Variants in NRG1 observed in about 807,000 individuals in gnomAD.
NRG1 encodes the protein neuregulin 1.
In NRG1, 18 loss-of-function variants were observed where a neutral mutation model predicts 63.8. The ratio of observed to expected loss-of-function variants is 0.28; its 90% CI spans 0.19 to 0.42. The LOEUF is 0.42. Ranked by LOEUF, NRG1 falls within the 10% of genes least tolerant of loss-of-function variation. The pLI is 1.00. For synonymous variants in NRG1, 302 were observed against 301.3 expected (o/e 1.00, Z -0.02); for missense variants, 762 against 814.7 (o/e 0.94, Z 0.79).
intron 1 of NRG1, among the ~76,000 whole-genome samples, chr8:31,922,903 A>T (rs7824316): frequency 6.6e-6 from 1 of 152,070 alleles, no homozygotes; most frequent in Non-Finnish European, 1.5e-5. Context: ...ATAATAACAA[A>T]GTAAGAAAAG....
At chr8:32,721,894 C>T (rs1820737512) in intron 5 of NRG1, 2 of 1,436,408 alleles carry the variant, frequency 1.4e-6, no homozygotes, top group Non-Finnish European at 1.8e-6. Context: ...GCATTTTTTT[C>T]CCCAGTAGGA....
At chr8:32,356,788 C>T (rs1310941070) in intron 1 of NRG1, among the ~76,000 whole-genome samples, 1 of 152,268 alleles carries the variant, frequency 6.6e-6, no homozygotes, top group South Asian at 2.1e-4. Context: ...ACCCATTGAT[C>T]TCATTTGTCT....
At chr8:32,735,094 GA>G (rs1449716309) in intron 6 of NRG1, among the ~76,000 whole-genome samples, 1 of 151,960 alleles carries the variant, frequency 6.6e-6, no homozygotes, top group South Asian at 2.1e-4. Flanking sequence ...CTGCTCTGTG[GA>G]AAAAAGAATA....
At chr8:31,847,492 C>T (rs923206649) in intron 1 of NRG1, among the ~76,000 whole-genome samples, 3 of 152,180 alleles carry the variant, frequency 2.0e-5, no homozygotes, top group Non-Finnish European at 4.4e-5. Context: ...GAGGATGGGG[C>T]TGTTGAAGCA....
At chr8:32,696,207 C>G (rs1813251645) in intron 5 of NRG1, among the ~76,000 whole-genome samples, 1 of 152,180 alleles carries the variant, frequency 6.6e-6, no homozygotes, top group African/African-American at 2.4e-5. Context: ...AATAAAAAGA[C>G]TACTCATGTC....
intron 1 of NRG1, among the ~76,000 whole-genome samples, chr8:32,074,248 G>A (rs1257873201): frequency 6.6e-6 from 1 of 151,952 alleles, no homozygotes; most frequent in Admixed American, 6.6e-5. Flanking sequence ...AGATTTTTTT[G>A]GTCATCTTTC....
At chr8:32,758,894 C>T (rs961961681) in intron 9 of NRG1, among the ~76,000 whole-genome samples, 2 of 152,060 alleles carry the variant, frequency 1.3e-5, no homozygotes, top group South Asian at 2.1e-4. Flanking sequence ...TACAAATCAC[C>T]TGTCTGCTTC....
At chr8:31,974,131 C>G (rs1321375480) in intron 1 of NRG1, among the ~76,000 whole-genome samples, 2 of 152,042 alleles carry the variant, frequency 1.3e-5, no homozygotes, top group African/African-American at 4.8e-5. Context: ...TGTTCATAGG[C>G]AAAACAAAAC....
downstream of NRG1, among the ~76,000 whole-genome samples, chr8:32,770,224 A>G (rs182411021): frequency 2.0e-5 from 3 of 152,296 alleles, no homozygotes; most frequent in East Asian, 5.8e-4. Flanking sequence ...TGAACTATTA[A>G]ATAAAAATCA....
chr8:31,745,595 G>A (rs190728697), intron 1 of NRG1, among the ~76,000 whole-genome samples: 132 of 151,922 alleles, frequency 8.7e-4, no homozygotes, highest in Middle Eastern at 3.4e-3. Context: ...AAACATCATC[G>A]TCTTGACCAT....
At chr8:31,826,885 T>G (rs1422667963) in intron 1 of NRG1, among the ~76,000 whole-genome samples, 1 of 152,228 alleles carries the variant, frequency 6.6e-6, no homozygotes, top group African/African-American at 2.4e-5. Context: ...TTGTTAATTT[T>G]GTTTTGTTTT....
At chr8:32,259,883 G>A (rs1258634446) in intron 1 of NRG1, among the ~76,000 whole-genome samples, 1 of 152,070 alleles carries the variant, frequency 6.6e-6, no homozygotes, top group African/African-American at 2.4e-5. Flanking sequence ...ATCAGCCTCT[G>A]CAATCAGCTT....
At chr8:31,798,694 T>G (rs1821472817) in intron 1 of NRG1, among the ~76,000 whole-genome samples, 1 of 152,312 alleles carries the variant, frequency 6.6e-6, no homozygotes, top group African/African-American at 2.4e-5. Flanking sequence ...CTTTTAATTA[T>G]ATGATATAGC....
At chr8:31,952,088 T>C (rs421831) in intron 1 of NRG1, among the ~76,000 whole-genome samples, 128,369 of 152,200 alleles carry the variant, frequency 0.84, 54,943 homozygotes, top group Non-Finnish European at 0.91. Flanking sequence ...ACCAGCTCTT[T>C]CCTCTCTTTA....
At chr8:32,513,634 A>C (rs1782025474) in intron 1 of NRG1, among the ~76,000 whole-genome samples, 1 of 152,172 alleles carries the variant, frequency 6.6e-6, no homozygotes, top group South Asian at 2.1e-4. Context: ...TGAATATGCA[A>C]ATCCAACCAG....
At chr8:31,857,958 G>A (rs1308808108) in intron 1 of NRG1, among the ~76,000 whole-genome samples, 3 of 152,134 alleles carry the variant, frequency 2.0e-5, no homozygotes, top group African/African-American at 7.2e-5. Flanking sequence ...GCTCTTGGAA[G>A]TTGACAACAA....
intron 1 of NRG1, among the ~76,000 whole-genome samples, chr8:31,678,909 A>G (rs958040934): frequency 5.9e-5 from 9 of 151,600 alleles, no homozygotes; most frequent in Middle Eastern, 3.2e-3. Flanking sequence ...TGTCTTTCTT[A>G]TTCACTGAAT....
intron 1 of NRG1, among the ~76,000 whole-genome samples, chr8:32,563,826 T>C (rs1318489719): frequency 2.0e-5 from 3 of 152,178 alleles, no homozygotes; most frequent in Non-Finnish European, 4.4e-5. Flanking sequence ...TTTTCAACCT[T>C]GTTGATCATC....
chr8:32,678,165 A>G (rs1339853131), intron 5 of NRG1, among the ~76,000 whole-genome samples: 1 of 152,148 alleles, frequency 6.6e-6, no homozygotes, highest in Admixed American at 6.6e-5. Context: ...ATTTAATTAC[A>G]TTTAAATTAT....
Sources: allele counts gnomAD v4.1 joint callset (sites outside exome capture counted in the v4.1 genomes callset), GRCh38; gene constraint gnomAD v4.1.1; transcripts MANE v1.5; gene names NCBI Gene and HGNC (gene_info 2026-07-23, HGNC 2026-07-21).